Variants in COL15A1 observed in about 807,000 individuals in gnomAD.
COL15A1 encodes the protein collagen alpha-1(XV) chain.
Under a neutral mutation model 165.9 loss-of-function variants are expected in COL15A1, and 111 were observed. The ratio of observed to expected loss-of-function variants is 0.67; its 90% CI spans 0.57 to 0.78. The LOEUF (loss-of-function observed/expected upper bound fraction) is 0.78. COL15A1 is among the 30% of genes least tolerant of loss of function. COL15A1 has a pLI of 0.00. For missense variants in COL15A1, 1,745 were observed against 1,789.7 expected, an observed-to-expected ratio of 0.98 and a Z score of 0.45; for synonymous variants, 659 against 674.8, an observed-to-expected ratio of 0.98 and a Z score of 0.36.
At chr9:98,972,373 C>T (rs1838073714) in intron 2 of COL15A1, among the ~76,000 whole-genome samples, 2 of 152,076 alleles carry the variant, frequency 1.3e-5, no homozygotes, top group African/African-American at 2.4e-5. Flanking sequence ...TTAAAAGCTC[C>T]CAGGGGTGAC....
intron 9 of COL15A1, among the ~76,000 whole-genome samples, chr9:99,010,755 C>A (rs556246324): frequency 6.6e-6 from 1 of 152,142 alleles, no homozygotes; most frequent in Admixed American, 6.5e-5. Flanking sequence ...GTTATATGGA[C>A]GTAATAACCT....
intron 21 of COL15A1, among the ~76,000 whole-genome samples, 190 bp downstream of exon 21, chr9:99,036,586 C>T (rs1180584070): frequency 1.3e-5 from 2 of 152,200 alleles, no homozygotes; most frequent in African/African-American, 4.8e-5. Context: ...CATGGTGCTT[C>T]TAGATTTGTC....
chr9:99,044,904 C>T (rs754671659), intron 26 of COL15A1, 134 bp downstream of exon 26: 12 of 798,848 alleles, frequency 1.5e-5, no homozygotes, highest in Non-Finnish European at 2.6e-5. Context: ...TGTGCATATA[C>T]TAGGGTAAGG....
chr9:99,026,553 G>T (rs1290985810), intron 16 of COL15A1, among the ~76,000 whole-genome samples: 1 of 152,240 alleles, frequency 6.6e-6, no homozygotes, highest in Non-Finnish European at 1.5e-5. Flanking sequence ...CGCACAAGCT[G>T]CCTCTGTAGT....
At chr9:99,011,629 A>C (rs60327679) in intron 9 of COL15A1, among the ~76,000 whole-genome samples, 1 of 152,052 alleles carries the variant, frequency 6.6e-6, no homozygotes. Flanking sequence ...CTTTTAAAAA[A>C]CACACTTTTT....
chr9:98,983,210 T>C (rs990620158), intron 2 of COL15A1, among the ~76,000 whole-genome samples: 1 of 152,146 alleles, frequency 6.6e-6, no homozygotes. Flanking sequence ...GGAGTTGAGA[T>C]GGGGGCATGG....
At chr9:99,059,796 G>A in intron 35 of COL15A1, 93 bp from the exon 36 acceptor site, 4 of 1,418,460 alleles carry the variant, frequency 2.8e-6, no homozygotes, top group Non-Finnish European at 3.9e-6. Context: ...TGTGAATGGG[G>A]TTGAACACAC....
chr9:98,951,106 G>A (rs1414159323), intron 2 of COL15A1, among the ~76,000 whole-genome samples: 1 of 152,148 alleles, frequency 6.6e-6, no homozygotes, highest in African/African-American at 2.4e-5. Flanking sequence ...AGTCACACCT[G>A]AAGTTTTGCC....
intron 2 of COL15A1, among the ~76,000 whole-genome samples, chr9:98,971,775 G>A (rs1251352284): frequency 6.6e-6 from 1 of 152,248 alleles, no homozygotes; most frequent in East Asian, 1.9e-4. Flanking sequence ...TGAAGGGAGC[G>A]GTGGTGAGCA....
intron 2 of COL15A1, among the ~76,000 whole-genome samples, chr9:98,983,105 A>G (rs1838256551): frequency 6.6e-6 from 1 of 152,086 alleles, no homozygotes; most frequent in Non-Finnish European, 1.5e-5. Flanking sequence ...AGTGTCTCAT[A>G]TTGTTCTTTA....
At chr9:99,064,032 T>C (rs575690685) in intron 39 of COL15A1, among the ~76,000 whole-genome samples, 101 of 152,274 alleles carry the variant, frequency 6.6e-4, no homozygotes, top group African/African-American at 2.3e-3. Context: ...CAGCCAGGCC[T>C]GGGACTCTTG....
intron 16 of COL15A1, among the ~76,000 whole-genome samples, chr9:99,033,439 G>C (rs927226962): frequency 6.6e-6 from 1 of 152,232 alleles, no homozygotes; most frequent in African/African-American, 2.4e-5. Context: ...GCCTGCTGCA[G>C]AATTTCAACC....
At chr9:99,057,270 T>C (rs1825735470) in intron 35 of COL15A1, among the ~76,000 whole-genome samples, 1 of 152,224 alleles carries the variant, frequency 6.6e-6, no homozygotes, top group Admixed American at 6.5e-5. Context: ...GATATCTCAC[T>C]GTGGTTTTGG....
chr9:98,993,306 G>A (rs927281121), intron 5 of COL15A1, among the ~76,000 whole-genome samples: 1 of 152,200 alleles, frequency 6.6e-6, no homozygotes, highest in African/African-American at 2.4e-5. Context: ...GCAGCTCAGT[G>A]CTGGACTCAG....
intron 9 of COL15A1, among the ~76,000 whole-genome samples, chr9:99,010,784 T>C (rs1838836608): frequency 6.6e-6 from 1 of 152,214 alleles, no homozygotes; most frequent in African/African-American, 2.4e-5. Context: ...AAAAATATTC[T>C]TTTTGTTAAT....
At chr9:99,009,839 A>G (rs1439581834) in intron 9 of COL15A1, among the ~76,000 whole-genome samples, 1 of 152,262 alleles carries the variant, frequency 6.6e-6, no homozygotes. Flanking sequence ...CATAAGATAT[A>G]ATTTCCATAA....
chr9:98,959,238 A>C (rs918714392), intron 2 of COL15A1, among the ~76,000 whole-genome samples: 1 of 151,504 alleles, frequency 6.6e-6, no homozygotes, highest in African/African-American at 2.4e-5. Flanking sequence ...AAAAAAAAAA[A>C]AAAAAAAAAC....
At chr9:99,027,816 C>A (rs554475058) in intron 16 of COL15A1, among the ~76,000 whole-genome samples, 1 of 152,312 alleles carries the variant, frequency 6.6e-6, no homozygotes, top group South Asian at 2.1e-4. Context: ...AAATTTGCAT[C>A]TGGAGAGCTG....
chr9:99,013,829 G>A (rs1003496271), intron 9 of COL15A1, among the ~76,000 whole-genome samples: 2 of 152,174 alleles, frequency 1.3e-5, no homozygotes, highest in African/African-American at 4.8e-5. Context: ...ATACTTTAAG[G>A]GGTTTGAGTC....
Sources: gnomAD v4.1 joint callset for allele counts (sites outside exome capture counted in the v4.1 genomes callset) on GRCh38, gnomAD v4.1.1 for gene constraint, MANE v1.5 for transcripts, NCBI Gene and HGNC (gene_info 2026-07-23, HGNC 2026-07-21) for gene names.